NIBAN2: variants seen among roughly 807,000 people sequenced by gnomAD.
NIBAN2 encodes niban apoptosis regulator 2, also known as protein Niban 2.
Under a neutral mutation model 81.8 loss-of-function variants are expected in NIBAN2, and 36 were observed. That is an observed-to-expected ratio of 0.44 (90% CI 0.34 to 0.58). NIBAN2 has a LOEUF of 0.58. Ranked by LOEUF, NIBAN2 falls within the 20% of genes least tolerant of loss-of-function variation. The pLI, the probability that NIBAN2 is intolerant of heterozygous loss-of-function variation, is 0.02. For missense variants in NIBAN2, 897 were observed against 1,014.1 expected, an observed-to-expected ratio of 0.88 and a Z score of 1.57; for synonymous variants, 445 against 441.6, an observed-to-expected ratio of 1.01 and a Z score of -0.10.
In NIBAN2 at chr9:127,506,979, G is replaced by A. The variant is rs1004425358; in HGVS notation, c.2107C>T (p.Pro703Ser). ...GGCCCAAGGTCCACAGCCTTTCCAG[G>A]CAGGAGATGCTGGAGGGGTGAGGCA... is the stretch of plus-strand genomic sequence containing the variant. ...PPASPLQHLL[P>S]GKAVDLGPPK... Residue 703 changes from proline (P) to serine (S), a missense_variant, in exon 14 of 14, where the codon CCT becomes TCT. Around this residue, in one of 3 missense-constraint regions of NIBAN2, gnomAD observed 619 missense variants for 691.0 expected, o/e 0.90. Transcript: ENST00000373312. 15 of 1,601,376 alleles carry A rather than the reference G, an allele frequency of 9.4e-6. No homozygotes were observed. Among genetic ancestry groups the A allele is most frequent in the Non-Finnish European group, 1.3e-5 (15 of 1,173,508 alleles).
intron 3 of NIBAN2, among the ~76,000 whole-genome samples, chr9:127,525,676 G>A (rs1837049718): frequency 2.0e-5 from 3 of 152,098 alleles, no homozygotes; most frequent in African/African-American, 7.2e-5. Context: ...CACTAGTTAA[G>A]CATTTCTTAC....
At chr9:127,535,021 T>G (rs185893577) in intron 1 of NIBAN2, among the ~76,000 whole-genome samples, 73 of 150,402 alleles carry the variant, frequency 4.9e-4, no homozygotes, top group African/African-American at 1.8e-3. Context: ...GTGCTGTTGT[T>G]TTCCTATTTC....
At chr9:127,579,030 G>GT, upstream of NIBAN2, 1 of 1,161,618 alleles carries the variant, frequency 8.6e-7, no homozygotes, top group Non-Finnish European at 1.3e-6. Flanking sequence ...TGCTGAGCCA[G>GT]TGCCGGACAG....
At chr9:127,519,045 G>A (rs912064193) in intron 5 of NIBAN2, among the ~76,000 whole-genome samples, 3 of 151,850 alleles carry the variant, frequency 2.0e-5, no homozygotes, top group Non-Finnish European at 4.4e-5. Flanking sequence ...CATGGTGGCA[G>A]GCACCTGTAA....
At chr9:127,549,987 C>A (rs186492072) in intron 1 of NIBAN2, among the ~76,000 whole-genome samples, 1 of 152,154 alleles carries the variant, frequency 6.6e-6, no homozygotes, top group African/African-American at 2.4e-5. Context: ...AGAGACCCTG[C>A]GCAGCCAACA....
At chr9:127,530,106 T>C (rs557540464) in intron 2 of NIBAN2, among the ~76,000 whole-genome samples, 2 of 152,360 alleles carry the variant, frequency 1.3e-5, no homozygotes, top group East Asian at 3.9e-4. Context: ...TCACCTGGGC[T>C]GCGTCCAAGG....
chr9:127,534,609 G>A (rs1172695151), intron 1 of NIBAN2, among the ~76,000 whole-genome samples: 1 of 152,144 alleles, frequency 6.6e-6, no homozygotes, highest in Admixed American at 6.5e-5. Flanking sequence ...CTCAGTGATG[G>A]GGGTGGAGGG....
intron 2 of NIBAN2, among the ~76,000 whole-genome samples, chr9:127,531,206 TA>T (rs1837173134): frequency 7.1e-6 from 1 of 140,924 alleles, no homozygotes; most frequent in African/African-American, 2.7e-5. Context: ...AAGCCGCACA[TA>T]GTGGCTCACA....
In NIBAN2 at chr9:127,516,987, CT is replaced by C. The variant is rs1836843638; in HGVS notation, c.842del (p.Glu281GlyfsTer70). The C allele has an allele frequency of 6.2e-7, 1 of 1,613,904 alleles. No individual in the cohort carries two copies. The highest frequency in any genetic ancestry group is 8.5e-7 in the Non-Finnish European group (1 of 1,180,002). ...ISDAVYHMVY[E>X]QAKARFEEVL... ...CCTCCTCGAAGCGCGCCTTGGCCTG[CT>C]CGTACACCATGTGGTACACGGCGTC... is the stretch of plus-strand genomic sequence containing the variant. On this transcript the variant is annotated frameshift_variant, in exon 8 of 14. Transcript: ENST00000373312. LOFTEE classifies it high-confidence loss of function.
At chr9:127,527,736 G>A (rs1417302116) in intron 2 of NIBAN2, among the ~76,000 whole-genome samples, 2 of 152,224 alleles carry the variant, frequency 1.3e-5, no homozygotes, top group Admixed American at 6.5e-5. Context: ...CTCCGGGCAC[G>A]GGGGACACAC....
intron 1 of NIBAN2, among the ~76,000 whole-genome samples, chr9:127,550,668 C>T (rs1837559092): frequency 1.3e-5 from 2 of 152,338 alleles, no homozygotes; most frequent in East Asian, 3.9e-4. Flanking sequence ...TGGGGACAGA[C>T]ACTTCCCAGC....
Position 127,510,133 on chromosome 9 carries a change from G to A in NIBAN2, c.1161+13C>T, listed in dbSNP as rs199641739. On this transcript the variant is annotated intron_variant, in intron 9 of 13. Transcript: ENST00000373312. ...CTCAGGAGACCCCCTCCTAGGGGCG[G>A]TGCCGGCCTCACCTCGCCCAGCTTG... 1 of 1,601,444 alleles carries A rather than the reference G, an allele frequency of 6.2e-7. No homozygotes were observed. Among genetic ancestry groups the A allele is most frequent in the East Asian group, 2.2e-5 (1 of 44,652 alleles).
At chr9:127,560,586 A>G (rs1191457756) in intron 1 of NIBAN2, among the ~76,000 whole-genome samples, 1 of 151,928 alleles carries the variant, frequency 6.6e-6, no homozygotes, top group Non-Finnish European at 1.5e-5. Flanking sequence ...ACACCTTCCC[A>G]AGGAAGGCCT....
chr9:127,511,603 G>C (rs779115747), intron 8 of NIBAN2, among the ~76,000 whole-genome samples: 3 of 152,146 alleles, frequency 2.0e-5, no homozygotes, highest in Non-Finnish European at 4.4e-5. Context: ...AAATGACAAG[G>C]TGTTCTGAGA....
rs1837903703 is a variant in NIBAN2 at position 127,568,797 on chromosome 9, G to T, written c.55+23C>A. The T allele has an allele frequency of 2.3e-6, 3 of 1,297,580 alleles. No homozygotes were observed. In the African/African-American group the frequency reaches 4.7e-5, roughly 20 times the overall value. The allele number at this position is 1,297,580 out of a possible 1,614,324, so 80.4% of individuals were successfully genotyped here. A position where few individuals can be genotyped will look rare whatever the true frequency, so the allele number is the denominator to read the frequency against. ...GGGGTTCCGGCAGGCCCCTGGGCGC[G>T]CGTGGCGCGGCGCGACCCTCACCTG... On this transcript the variant is annotated intron_variant, in intron 1 of 13. Transcript: ENST00000373312.
chr9:127,533,994 G>A (rs1442936849), intron 1 of NIBAN2, among the ~76,000 whole-genome samples: 6 of 152,360 alleles, frequency 3.9e-5, no homozygotes, highest in South Asian at 4.1e-4. Context: ...GGCTCAGCAC[G>A]TGTGCTCCTG....
chr9:127,507,725 C>G lies in NIBAN2; in HGVS notation c.1654+142G>C. On this transcript the variant is annotated intron_variant, in intron 13 of 13. Coordinates refer to ENST00000373312, the MANE Select transcript of NIBAN2 (RefSeq NM_022833.4). This position sits in a 1 kb window ranked among gnomAD's most constrained non-coding sequence, Gnocchi z 6.8. Reference sequence around the variant, plus strand: ...TAAGGCTGCTCCGGAGGCCACACAGCGAAGAGTGGGCTTCACCCAGACCCC... The same window carrying G: ...TAAGGCTGCTCCGGAGGCCACACAGGGAAGAGTGGGCTTCACCCAGACCCC... 1 of 779,892 alleles carries G rather than the reference C, an allele frequency of 1.3e-6. No homozygotes were observed. The highest frequency in any genetic ancestry group is 2.2e-6 in the Non-Finnish European group (1 of 462,036). 48.3% of individuals were successfully genotyped at this position (779,892 alleles called of 1,614,324 possible).
At chr9:127,531,030 A>T (rs879363183) in intron 2 of NIBAN2, among the ~76,000 whole-genome samples, 2 of 151,992 alleles carry the variant, frequency 1.3e-5, no homozygotes, top group Admixed American at 1.3e-4. Context: ...AAATGCAAAA[A>T]TTAGCCTAGA....
At chr9:127,522,983 G>A (rs1008960736) in intron 5 of NIBAN2, among the ~76,000 whole-genome samples, 8 of 151,262 alleles carry the variant, frequency 5.3e-5, no homozygotes, top group African/African-American at 1.9e-4. Context: ...GGAGGGCAGG[G>A]AATGTTTCTT....
Sources: gnomAD v4.1 joint callset for allele counts (sites outside exome capture counted in the v4.1 genomes callset) on GRCh38, gnomAD v4.1.1 for gene constraint, gnomAD v4.1.1 regional missense constraint, Gnocchi (gnomAD v3.1) non-coding constraint, MANE v1.5 for transcripts, NCBI Gene and HGNC (gene_info 2026-07-23, HGNC 2026-07-21) for gene names.